The following PPP3R1 variants were observed in gnomAD, a reference collection of about 807,000 sequenced individuals.
PPP3R1 encodes the protein protein phosphatase 3 regulatory subunit B, alpha.
In PPP3R1, 5 loss-of-function variants were observed where a neutral mutation model predicts 22.6. The observed-to-expected ratio is 0.22, with a 90% confidence interval of 0.12 to 0.46. PPP3R1 has a LOEUF of 0.46. Ranked by LOEUF, PPP3R1 falls within the 20% of genes least tolerant of loss-of-function variation. The pLI is 0.99. For missense variants in PPP3R1, 61 were observed against 203.2 expected (o/e 0.30, Z 4.25); for synonymous variants, 56 against 65.2 (o/e 0.86, Z 0.68).
intron 2 of PPP3R1, among the ~76,000 whole-genome samples, chr2:68,197,087 T>G (rs1200607274): frequency 6.6e-6 from 1 of 152,164 alleles, no homozygotes; most frequent in Non-Finnish European, 1.5e-5. Context: ...GATGCATTAT[T>G]AAGTATATGG....
chr2:68,210,536 AAGTC>A (rs1457188557), intron 2 of PPP3R1, among the ~76,000 whole-genome samples: 4 of 152,236 alleles, frequency 2.6e-5, no homozygotes, highest in Non-Finnish European at 5.9e-5. Flanking sequence ...AAATCCAACT[AAGTC>A]AGACAACCAA....
intron 2 of PPP3R1, among the ~76,000 whole-genome samples, chr2:68,214,744 C>T (rs888674828): frequency 2.6e-5 from 4 of 152,114 alleles, no homozygotes; most frequent in Admixed American, 2.6e-4. Flanking sequence ...GAACTTAAAA[C>T]AATTACCATT....
intron 1 of PPP3R1, among the ~76,000 whole-genome samples, chr2:68,229,405 C>A (rs962041865): frequency 4.6e-5 from 7 of 152,158 alleles, no homozygotes; most frequent in African/African-American, 1.7e-4. Context: ...TTACATAGCA[C>A]TGGTTGATTA....
chr2:68,243,304 C>T (rs1340395045), intron 1 of PPP3R1, among the ~76,000 whole-genome samples: 1 of 152,076 alleles, frequency 6.6e-6, no homozygotes, highest in East Asian at 1.9e-4. Context: ...ATTCCTGCGC[C>T]AGACCTATAA....
chr2:68,205,864 GGC>G, intron 2 of PPP3R1, among the ~76,000 whole-genome samples: 1 of 152,040 alleles, frequency 6.6e-6, no homozygotes, highest in Non-Finnish European at 1.5e-5. Flanking sequence ...TTGTTGCCCA[GGC>G]TGGAGTGCAA....
chr2:68,207,787 C>T (rs749120095), intron 2 of PPP3R1, among the ~76,000 whole-genome samples: 3 of 152,202 alleles, frequency 2.0e-5, no homozygotes, highest in Admixed American at 6.5e-5. Context: ...GAATAATTCA[C>T]GTCACATGCT....
intron 1 of PPP3R1, among the ~76,000 whole-genome samples, chr2:68,218,303 A>T (rs1283734130): frequency 2.0e-5 from 3 of 152,080 alleles, no homozygotes; most frequent in Non-Finnish European, 4.4e-5. Context: ...CGTACCTTTA[A>T]TCTTATGTAA....
chr2:68,244,374 C>T (rs1227727722), intron 1 of PPP3R1, among the ~76,000 whole-genome samples: 1 of 152,196 alleles, frequency 6.6e-6, no homozygotes, highest in East Asian at 1.9e-4. Context: ...ACACAATCCT[C>T]TTCCACAGCC....
chr2:68,243,272 G>A (rs114521042), intron 1 of PPP3R1, among the ~76,000 whole-genome samples: 2,797 of 152,036 alleles, frequency 0.018, 89 homozygotes, highest in African/African-American at 0.063. Flanking sequence ...GACAAACCCA[G>A]GAATACATTT....
At chr2:68,191,867 A>C (rs1375670310) in intron 2 of PPP3R1, among the ~76,000 whole-genome samples, 1 of 152,116 alleles carries the variant, frequency 6.6e-6, no homozygotes, top group African/African-American at 2.4e-5. Flanking sequence ...CCCATTTTCT[A>C]TCTATAAAAT....
chr2:68,203,362 G>A (rs1022045272), intron 2 of PPP3R1, among the ~76,000 whole-genome samples: 1 of 152,216 alleles, frequency 6.6e-6, no homozygotes, highest in Non-Finnish European at 1.5e-5. Context: ...ACCACTTTGG[G>A]AGGCCAAGGC....
At chr2:68,195,177 T>C (rs1674742081) in intron 2 of PPP3R1, among the ~76,000 whole-genome samples, 1 of 152,180 alleles carries the variant, frequency 6.6e-6, no homozygotes, top group South Asian at 2.1e-4. Flanking sequence ...TCTTTGTAAC[T>C]TTTTTGTAAT....
At chr2:68,223,531 G>A (rs1669726415) in intron 1 of PPP3R1, among the ~76,000 whole-genome samples, 1 of 152,116 alleles carries the variant, frequency 6.6e-6, no homozygotes, top group East Asian at 1.9e-4. Flanking sequence ...AGCAATGGAA[G>A]GTTGGTTTAA....
At chr2:68,189,658 A>G (rs1000706876) in intron 2 of PPP3R1, among the ~76,000 whole-genome samples, 1 of 152,188 alleles carries the variant, frequency 6.6e-6, no homozygotes, top group Non-Finnish European at 1.5e-5. Flanking sequence ...ACTAGAGGTC[A>G]GGAGTTACAG....
intron 2 of PPP3R1, among the ~76,000 whole-genome samples, chr2:68,192,355 G>A (rs6757863): frequency 0.75 from 113,305 of 152,056 alleles, 43,270 homozygotes; most frequent in African/African-American, 0.93. Flanking sequence ...GATAAGAAAA[G>A]ATAATGTCTC....
chr2:68,194,194 G>C (rs1190672747), intron 2 of PPP3R1, among the ~76,000 whole-genome samples: 3 of 152,076 alleles, frequency 2.0e-5, no homozygotes, highest in Admixed American at 2.0e-4. Context: ...CAAAAACTTA[G>C]ATATTTTAGT....
intron 1 of PPP3R1, among the ~76,000 whole-genome samples, chr2:68,245,589 CTCA>C (rs1670220064): frequency 6.6e-6 from 1 of 152,170 alleles, no homozygotes; most frequent in Non-Finnish European, 1.5e-5. Context: ...TGACTGTTTC[CTCA>C]TCATCAGTTT....
intron 1 of PPP3R1, among the ~76,000 whole-genome samples, chr2:68,238,117 A>C (rs867735977): frequency 2.0e-5 from 3 of 152,240 alleles, no homozygotes; most frequent in Middle Eastern, 6.8e-3. Flanking sequence ...CAGGACTTGC[A>C]AAGGTCTCCC....
At chr2:68,240,684 T>C (rs1442100010) in intron 1 of PPP3R1, among the ~76,000 whole-genome samples, 6 of 152,190 alleles carry the variant, frequency 3.9e-5, no homozygotes, top group African/African-American at 1.2e-4. Flanking sequence ...GGAATAAACA[T>C]AGCAAACGAT....
Sources: gnomAD v4.1 joint callset for allele counts (sites outside exome capture counted in the v4.1 genomes callset) on GRCh38, gnomAD v4.1.1 for gene constraint, MANE v1.5 for transcripts, NCBI Gene and HGNC (gene_info 2026-07-23, HGNC 2026-07-21) for gene names.